Variants in USH2A observed in about 807,000 individuals in gnomAD.
USH2A encodes the protein usherin, also known as Usher syndrome 2A (autosomal recessive, mild).
In USH2A, 443 loss-of-function variants were observed where a neutral mutation model predicts 538.9. The observed-to-expected ratio is 0.82, with a 90% CI of 0.76 to 0.89. The LOEUF is 0.89. Ranked by LOEUF, USH2A falls within the 40% of genes least tolerant of loss-of-function variation. USH2A has a pLI of 0.00. For missense variants in USH2A, 6,633 were observed against 6,324.8 expected (o/e 1.05, Z -1.65); for synonymous variants, 2,413 against 2,273.5 (o/e 1.06, Z -1.75).
chr1:215,692,059 T>C (rs527256963), intron 61 of USH2A, among the ~76,000 whole-genome samples: 2 of 152,176 alleles, frequency 1.3e-5, no homozygotes, highest in Non-Finnish European at 2.9e-5. Flanking sequence ...TCCTTGAAAC[T>C]GAGAGAAGAG....
chr1:216,341,864 T>A (rs909936698), intron 4 of USH2A, among the ~76,000 whole-genome samples: 2 of 152,152 alleles, frequency 1.3e-5, no homozygotes, highest in African/African-American at 4.8e-5. Context: ...ATTAAAGACT[T>A]AATTGCAAAA....
At chr1:216,337,722 A>G (rs1369873813) in intron 4 of USH2A, among the ~76,000 whole-genome samples, 1 of 151,392 alleles carries the variant, frequency 6.6e-6, no homozygotes, top group Non-Finnish European at 1.5e-5. Flanking sequence ...AATTAGAATG[A>G]CATAAATATA....
intron 35 of USH2A, among the ~76,000 whole-genome samples, chr1:215,991,904 A>G (rs1668011751): frequency 6.6e-6 from 1 of 152,206 alleles, no homozygotes; most frequent in Non-Finnish European, 1.5e-5. Context: ...TAAGAAGCAT[A>G]ACAAGATTGT....
intron 21 of USH2A, among the ~76,000 whole-genome samples, chr1:216,173,641 G>T (rs79718681): frequency 0.031 from 4,680 of 152,264 alleles, 235 homozygotes; most frequent in African/African-American, 0.1. Context: ...TTGCACCTCA[G>T]AGTATAAGGC....
intron 30 of USH2A, among the ~76,000 whole-genome samples, chr1:216,069,088 C>T (rs1434303870): frequency 1.3e-5 from 2 of 152,050 alleles, no homozygotes; most frequent in African/African-American, 4.8e-5. Context: ...TTACTGAGTG[C>T]TCATCTGAAA....
At chr1:215,842,169 T>C (rs909092948) in intron 46 of USH2A, among the ~76,000 whole-genome samples, 1 of 152,010 alleles carries the variant, frequency 6.6e-6, no homozygotes, top group South Asian at 2.1e-4. Flanking sequence ...ACTGAAAATA[T>C]ACACAAAAGA....
chr1:216,137,422 C>T (rs1038771461), intron 21 of USH2A, among the ~76,000 whole-genome samples: 3 of 152,046 alleles, frequency 2.0e-5, no homozygotes, highest in African/African-American at 4.8e-5. Context: ...AGCAGAAACC[C>T]GTGATAAACC....
At chr1:215,655,619 A>G (rs1657215213) in intron 64 of USH2A, among the ~76,000 whole-genome samples, 1 of 152,126 alleles carries the variant, frequency 6.6e-6, no homozygotes, top group African/African-American at 2.4e-5. Context: ...TGTGAATGGG[A>G]AAGAGAAGGG....
At chr1:216,087,017 G>A (rs556632799) in intron 23 of USH2A, 197 bp from the exon 24 acceptor site, 28 of 555,152 alleles carry the variant, frequency 5.0e-5, no homozygotes, top group Non-Finnish European at 8.8e-5. Context: ...GATCCAGACC[G>A]CCTGCCTCTC....
At chr1:215,909,194 G>T (rs1194837700) in intron 38 of USH2A, among the ~76,000 whole-genome samples, 1 of 151,496 alleles carries the variant, frequency 6.6e-6, no homozygotes, top group African/African-American at 2.4e-5. Flanking sequence ...AATTAAAATG[G>T]TTTTTATTAA....
intron 67 of USH2A, among the ~76,000 whole-genome samples, chr1:215,646,359 CTTA>C (rs113068769): frequency 3.6e-4 from 50 of 139,882 alleles, no homozygotes; most frequent in African/African-American, 1.2e-3. Context: ...CTGATAAGCA[CTTA>C]TTATTCTTAA....
chr1:215,740,243 T>C (rs76169492), intron 60 of USH2A, among the ~76,000 whole-genome samples: 5,214 of 152,262 alleles, frequency 0.034, 445 homozygotes, highest in East Asian at 0.28. Flanking sequence ...ATTCATTATT[T>C]ATTTAAAGAA....
intron 56 of USH2A, among the ~76,000 whole-genome samples, chr1:215,762,967 C>T (rs1465966068): frequency 6.6e-6 from 1 of 152,136 alleles, no homozygotes; most frequent in Admixed American, 6.6e-5. Context: ...TGCCATATTA[C>T]CCACTTCTCA....
intron 47 of USH2A, among the ~76,000 whole-genome samples, chr1:215,830,789 T>C (rs945310302): frequency 6.6e-6 from 1 of 152,180 alleles, no homozygotes; most frequent in South Asian, 2.1e-4. Context: ...AAATTAGCCA[T>C]TGTGCAGACA....
intron 49 of USH2A, among the ~76,000 whole-genome samples, chr1:215,805,210 A>G (rs1662463936): frequency 6.6e-6 from 1 of 152,128 alleles, no homozygotes; most frequent in South Asian, 2.1e-4. Flanking sequence ...GGTGCAACAT[A>G]CCAACATGGC....
chr1:216,303,994 A>G (rs2037266550), intron 9 of USH2A, among the ~76,000 whole-genome samples: 1 of 152,036 alleles, frequency 6.6e-6, no homozygotes, highest in African/African-American at 2.4e-5. Context: ...CTTTAGTAGT[A>G]GCATGAGTAT....
At position 216,324,356 on chromosome 1, in the gene USH2A, A is replaced by G. The variant is rs755919594; in HGVS notation, c.1144-4T>C. ...ACTGAATGATAATATAAAACACCTG[A>G]AAATGGAAAGTTAATTAATGTAATT... On this transcript the variant is annotated splice_region_variant and splice_polypyrimidine_tract_variant and intron_variant, in intron 6 of 71. Coordinates refer to ENST00000307340, the MANE Select transcript of USH2A (RefSeq NM_206933.4). 6.2e-7 allele frequency: 1 copy of G among 1,607,600 alleles called. No individual in the cohort carries two copies. The highest frequency in any genetic ancestry group is 8.5e-7 in the Non-Finnish European group (1 of 1,175,800).
intron 9 of USH2A, among the ~76,000 whole-genome samples, chr1:216,297,362 G>C (rs1045295405): frequency 2.6e-5 from 4 of 152,090 alleles, no homozygotes; most frequent in African/African-American, 7.2e-5. Flanking sequence ...GTTACTCCTA[G>C]AGTCCTCTTT....
Position 216,084,932 on chromosome 1 carries a change from C to G in USH2A, c.4988-55G>C, listed in dbSNP as rs1050946504. 4 of 1,568,258 alleles carry G rather than the reference C, an allele frequency of 2.6e-6. No individual in the cohort carries two copies. In the African/African-American group the frequency reaches 4.1e-5, roughly 16 times the overall value. ...TATATTTTGAAAGATTATTTTCAAGCAATTAATTTTATGTGCCATTAAAGT... is the reference window on the plus strand; with the variant it reads ...TATATTTTGAAAGATTATTTTCAAGGAATTAATTTTATGTGCCATTAAAGT... On this transcript the variant is annotated intron_variant, in intron 24 of 71. Transcript: ENST00000307340.
Sources: allele counts gnomAD v4.1 joint callset (sites outside exome capture counted in the v4.1 genomes callset), GRCh38; gene constraint gnomAD v4.1.1; transcripts MANE v1.5; gene names NCBI Gene and HGNC (gene_info 2026-07-23, HGNC 2026-07-21).